Variants in LRBA observed in about 807,000 individuals in gnomAD.
The protein encoded by LRBA is lipopolysaccharide-responsive and beige-like anchor protein.
A neutral mutation model predicts 330.0 loss-of-function variants in LRBA; 176 were observed. The ratio of observed to expected loss-of-function variants is 0.53; its 90% CI spans 0.47 to 0.60. The LOEUF (loss-of-function observed/expected upper bound fraction) is 0.60. Ranked by LOEUF, LRBA falls within the 20% of genes least tolerant of loss-of-function variation. The pLI is 0.00. For synonymous variants in LRBA, 1,230 were observed against 1,193.0 expected, an observed-to-expected ratio of 1.03 and a Z score of -0.64; for missense variants, 3,259 against 3,444.8, an observed-to-expected ratio of 0.95 and a Z score of 1.35.
chr4:150,981,031 T>A (rs1254319510), intron 2 of LRBA, among the ~76,000 whole-genome samples: 1 of 152,034 alleles, frequency 6.6e-6, no homozygotes, highest in East Asian at 1.9e-4. Flanking sequence ...ATCAATACTG[T>A]TAAAATGTCC....
intron 47 of LRBA, among the ~76,000 whole-genome samples, chr4:150,413,964 C>T (rs150727842): frequency 1.2e-4 from 18 of 151,774 alleles, no homozygotes; most frequent in African/African-American, 2.7e-4. Flanking sequence ...CTTCATCTCT[C>T]AATCACAGAA....
chr4:151,014,377 C>T, intron 2 of LRBA, 50 bp downstream of exon 2: 4 of 1,471,980 alleles, frequency 2.7e-6, no homozygotes, highest in Non-Finnish European at 3.8e-6. Flanking sequence ...AGATCTTGTT[C>T]CCCAACCCAC....
intron 39 of LRBA, among the ~76,000 whole-genome samples, chr4:150,589,590 G>A (rs1772565606): frequency 6.6e-6 from 1 of 152,150 alleles, no homozygotes; most frequent in African/African-American, 2.4e-5. Flanking sequence ...TCAATTACAG[G>A]GTAAGCAGAC....
intron 7 of LRBA, 74 bp downstream of exon 7, chr4:150,916,327 A>G (rs1732577752): frequency 6.9e-7 from 1 of 1,449,654 alleles, no homozygotes; most frequent in Non-Finnish European, 9.4e-7. Flanking sequence ...TATTATATGA[A>G]TAACATTAAA....
intron 46 of LRBA, among the ~76,000 whole-genome samples, chr4:150,431,637 T>C (rs142426110): frequency 2.6e-5 from 4 of 152,208 alleles, no homozygotes; most frequent in Non-Finnish European, 4.4e-5. Context: ...ACGGTTAAGA[T>C]AAATTATTAA....
intron 37 of LRBA, among the ~76,000 whole-genome samples, chr4:150,640,952 T>C (rs1366548796): frequency 6.6e-6 from 1 of 152,178 alleles, no homozygotes; most frequent in East Asian, 1.9e-4. Context: ...CTATCACATA[T>C]TATATGTCTA....
intron 30 of LRBA, among the ~76,000 whole-genome samples, chr4:150,826,946 T>C (rs1330386995): frequency 6.6e-6 from 1 of 152,214 alleles, no homozygotes; most frequent in Non-Finnish European, 1.5e-5. Flanking sequence ...ACTGTGTTTC[T>C]AGGTGTTGTG....
Position 150,321,465 on chromosome 4 carries a change from A to C in LRBA, c.7453-97T>G. The stretch of plus-strand genomic sequence containing the variant: ...CAAGAAAGAGAGGGGGTGCAGGAAA[A>C]GAAGAGGAAGACCATATTAACATGA... On this transcript the variant is annotated intron_variant, in intron 49 of 56. Transcript: ENST00000651943. The surrounding 1 kb of genome is among the most constrained non-coding windows in gnomAD (Gnocchi z 4.5). 1.0e-6 allele frequency: 1 copy of C among 1,004,966 alleles called. No homozygotes were observed. Among genetic ancestry groups the C allele is most frequent in the South Asian group, 1.9e-5 (1 of 54,000 alleles). 62.3% of individuals were successfully genotyped at this position (1,004,966 alleles called of 1,614,324 possible). A position where few individuals can be genotyped will look rare whatever the true frequency, so the allele number is the denominator to read the frequency against.
intron 44 of LRBA, among the ~76,000 whole-genome samples, chr4:150,446,814 C>T (rs1246465235): frequency 1.3e-5 from 2 of 152,150 alleles, no homozygotes; most frequent in African/African-American, 4.8e-5. Context: ...TAAAATTTAC[C>T]TTATTTCTCT....
intron 37 of LRBA, among the ~76,000 whole-genome samples, chr4:150,656,963 C>A (rs534481684): frequency 1.3e-5 from 2 of 152,248 alleles, no homozygotes; most frequent in South Asian, 4.1e-4. Flanking sequence ...AAATATGTAA[C>A]ATATATAAGC....
intron 37 of LRBA, among the ~76,000 whole-genome samples, chr4:150,603,417 T>C (rs916866142): frequency 6.6e-6 from 1 of 152,236 alleles, no homozygotes; most frequent in African/African-American, 2.4e-5. Flanking sequence ...TATGTGTTTG[T>C]ATACACACAC....
In LRBA at chr4:150,321,753, G is replaced by A. The variant is rs991095526; in HGVS notation, c.7453-385C>T. On this transcript the variant is annotated intron_variant, in intron 49 of 56. Transcript: ENST00000651943. The surrounding 1 kb of genome is among the most constrained non-coding windows in gnomAD (Gnocchi z 4.5). ...TCTGGTTGCTATCGTGTCACATAAT[G>A]ATCTTTTAGCACTAAAAAAACAGTA... is the stretch of plus-strand genomic sequence containing the variant. Among the ~76,000 whole-genome samples the A allele has an allele frequency of 6.6e-6, 1 of 152,064 alleles. No homozygotes were observed. Among genetic ancestry groups the A allele is most frequent in the Non-Finnish European group, 1.5e-5 (1 of 68,012 alleles).
At chr4:150,914,875 T>G in intron 8 of LRBA, among the ~76,000 whole-genome samples, 1 of 152,146 alleles carries the variant, frequency 6.6e-6, no homozygotes, top group East Asian at 1.9e-4. Context: ...ATTATCTCAT[T>G]TAATCAGATG....
chr4:150,932,366 A>G lies in LRBA; in HGVS notation c.217-3301T>C, dbSNP rs1335477199. 2.0e-5 allele frequency among the ~76,000 whole-genome samples: 3 copies of G among 150,244 alleles called. No homozygotes were observed. In the East Asian group the frequency reaches 5.8e-4, roughly 29 times the overall value. ...CTGCTTGTGGGAACTAGGGTGTTAAAAAAAAAAAAAAGAAAATTTAGGCAA... is the reference window on the plus strand; with the variant it reads ...CTGCTTGTGGGAACTAGGGTGTTAAGAAAAAAAAAAAGAAAATTTAGGCAA... On this transcript the variant is annotated intron_variant, in intron 2 of 56. Transcript: ENST00000651943.
intron 47 of LRBA, among the ~76,000 whole-genome samples, chr4:150,350,902 T>C (rs1737059797): frequency 6.6e-6 from 1 of 152,244 alleles, no homozygotes; most frequent in African/African-American, 2.4e-5. Context: ...ATTAAAATAT[T>C]TTGTAGTCTA....
chr4:150,335,472 T>C (rs1286813464), intron 48 of LRBA, among the ~76,000 whole-genome samples: 1 of 127,428 alleles, frequency 7.8e-6, no homozygotes, highest in African/African-American at 2.8e-5. Flanking sequence ...TGTGTATATA[T>C]ATACGTATAT....
intron 42 of LRBA, among the ~76,000 whole-genome samples, chr4:150,483,983 T>C (rs976038858): frequency 6.6e-6 from 1 of 152,106 alleles, no homozygotes; most frequent in African/African-American, 2.4e-5. Flanking sequence ...CAGTATGCTA[T>C]GAACAGCTAA....
At chr4:150,695,465 T>C (rs1254738990) in intron 36 of LRBA, among the ~76,000 whole-genome samples, 1 of 152,096 alleles carries the variant, frequency 6.6e-6, no homozygotes, top group Non-Finnish European at 1.5e-5. Context: ...TGGGACTACA[T>C]GCACACATCA....
At chr4:150,808,500 G>C in intron 31 of LRBA, 102 bp from the exon 32 acceptor site, 1 of 656,594 alleles carries the variant, frequency 1.5e-6, no homozygotes, top group Non-Finnish European at 2.7e-6. Context: ...GCATTATAAC[G>C]TATTTTTATG....
Sources: gnomAD v4.1 joint callset for allele counts (sites outside exome capture counted in the v4.1 genomes callset) on GRCh38, gnomAD v4.1.1 for gene constraint, Gnocchi (gnomAD v3.1) non-coding constraint, MANE v1.5 for transcripts, NCBI Gene and HGNC (gene_info 2026-07-23, HGNC 2026-07-21) for gene names.